The following GOLIM4 variants were observed in gnomAD, a reference collection of about 807,000 sequenced individuals.
GOLIM4 encodes the protein 130 kDa golgi-localized phosphoprotein.
Under a neutral mutation model 107.4 loss-of-function variants are expected in GOLIM4, and 71 were observed. That is an observed-to-expected ratio of 0.66 (90% CI 0.55 to 0.81). The LOEUF is 0.81. Among genes scored for constraint, GOLIM4 ranks in the 30% least tolerant of loss-of-function variants. The pLI is 0.00. For synonymous variants in GOLIM4, 327 were observed against 294.8 expected (o/e 1.11, Z -1.12); for missense variants, 830 against 826.1 (o/e 1.00, Z -0.06).
At chr3:168,045,645 GTTGT>G (rs1004934051) in intron 3 of GOLIM4, among the ~76,000 whole-genome samples, 1 of 152,070 alleles carries the variant, frequency 6.6e-6, no homozygotes, top group African/African-American at 2.4e-5. Flanking sequence ...TCTATGCTAT[GTTGT>G]TTATGTTTAG....
Position 168,029,308 on chromosome 3 carries a change from A to G in GOLIM4, c.1434-6T>C, listed in dbSNP as rs1170842323. ...CATCATAATGAGCTTGCTGCCTACA[A>G]GAGACACAAACATGATAAATCCAGT... is the stretch of plus-strand genomic sequence containing the variant. On this transcript the variant is annotated splice_polypyrimidine_tract_variant and splice_region_variant and intron_variant, in intron 10 of 15. Transcript: ENST00000470487. 1 of 1,585,464 alleles carries G rather than the reference A, an allele frequency of 6.3e-7. No individual in the cohort carries two copies. The highest frequency in any genetic ancestry group is 8.6e-7 in the Non-Finnish European group (1 of 1,157,404).
intron 1 of GOLIM4, among the ~76,000 whole-genome samples, chr3:168,049,984 T>G (rs982041456): frequency 6.6e-6 from 1 of 152,132 alleles, no homozygotes; most frequent in Non-Finnish European, 1.5e-5. Flanking sequence ...CTGTGACCAC[T>G]CAAATTTGTA....
intron 12 of GOLIM4, among the ~76,000 whole-genome samples, chr3:168,026,623 C>T (rs894310606): frequency 1.3e-5 from 2 of 152,182 alleles, no homozygotes; most frequent in African/African-American, 4.8e-5. Context: ...GCCCTTCCTC[C>T]CACCCCATGC....
intron 1 of GOLIM4, among the ~76,000 whole-genome samples, chr3:168,067,954 G>GA (rs1429448731): frequency 6.6e-6 from 1 of 151,864 alleles, no homozygotes; most frequent in Admixed American, 6.6e-5. Context: ...TTTTTTTAAT[G>GA]AATCTGAACA....
chr3:168,088,098 C>T (rs774546775), intron 1 of GOLIM4, among the ~76,000 whole-genome samples: 17 of 152,048 alleles, frequency 1.1e-4, no homozygotes, highest in African/African-American at 2.2e-4. Context: ...CCACTTTGTC[C>T]TTAATGATAA....
Position 168,040,908 on chromosome 3 carries a change from T to G in GOLIM4, c.601-39A>C, listed in dbSNP as rs1026679316. The G allele has an allele frequency of 9.9e-6, 13 of 1,317,064 alleles. No individual in the cohort carries two copies. The East Asian group carries it at 1.1e-4, about 12-fold the overall frequency. 81.6% of individuals were successfully genotyped at this position (1,317,064 alleles called of 1,614,324 possible). A position where few individuals can be genotyped will look rare whatever the true frequency, so the allele number is the denominator to read the frequency against. ...AATTTTACATGTTGAGCTTTAACATTCTACGACAAATTCTTCTTTGGCTGA... is the reference window on the plus strand; with the variant it reads ...AATTTTACATGTTGAGCTTTAACATGCTACGACAAATTCTTCTTTGGCTGA... On this transcript the variant is annotated intron_variant, in intron 6 of 15. Coordinates refer to ENST00000470487, the MANE Select transcript of GOLIM4 (RefSeq NM_014498.5).
At chr3:168,029,749 G>A in intron 10 of GOLIM4, 31 bp downstream of exon 10, 1 of 1,607,266 alleles carries the variant, frequency 6.2e-7, no homozygotes. Context: ...AGCAGGGGCT[G>A]TCTTCGTTCA....
In GOLIM4 at chr3:168,009,430, C is replaced by CCAAAAAAAAAAAAAA. The variant is rs1394595146; in HGVS notation, c.*838_*839insTTTTTTTTTTTTTTG. Reference sequence around the variant, plus strand: ...AAGAATATCAATCAATGGCTTCAAACAAAAAAAAAAAAAAAAAATTGAGAA... The same window carrying CCAAAAAAAAAAAAAA: ...AAGAATATCAATCAATGGCTTCAAACCAAAAAAAAAAAAAAAAAAAAAAAAAAAAAAAATTGAGAA... On this transcript the variant is annotated 3_prime_UTR_variant, in exon 16 of 16. Coordinates refer to ENST00000470487, the MANE Select transcript of GOLIM4 (RefSeq NM_014498.5). The CCAAAAAAAAAAAAAA allele has an allele frequency of 2.6e-5, 2 of 77,496 alleles. No individual in the cohort carries two copies. The highest frequency in any genetic ancestry group is 5.2e-4 in the East Asian group (1 of 1,928). The allele number at this position is 77,496 out of a possible 1,614,324, so 4.8% of individuals were successfully genotyped here.
chr3:168,044,914 G>C, intron 3 of GOLIM4, 33 bp from the exon 4 acceptor site: 1 of 1,219,908 alleles, frequency 8.2e-7, no homozygotes, highest in African/African-American at 1.5e-5. Context: ...AAAACACAAA[G>C]ATAAATATGG....
intron 1 of GOLIM4, among the ~76,000 whole-genome samples, chr3:168,059,102 A>C (rs1720127490): frequency 6.6e-6 from 1 of 152,208 alleles, no homozygotes; most frequent in Non-Finnish European, 1.5e-5. Context: ...GCAACTATGA[A>C]TAGTTTTCAA....
rs544327025 is a variant in GOLIM4 at position 168,044,879 on chromosome 3, T to G, written c.315A>C (p.Gln105His). 1 of 1,536,624 alleles carries G rather than the reference T, an allele frequency of 6.5e-7. No homozygotes were observed. Among genetic ancestry groups the G allele is most frequent in the Non-Finnish European group, 8.8e-7 (1 of 1,138,032 alleles). The stretch of plus-strand genomic sequence containing the variant: ...GTGCACTGTATCTGCTATTGGAATC[T>G]TGCTGTAAATCAAAAAAAAAAAAGA... ...EAQETLNKGR[Q>H]DSNSRYSALN... is the part of the protein sequence containing the mutation. Residue 105 changes from glutamine to histidine, a missense_variant and splice_region_variant, in exon 4 of 16, where the codon CAA becomes CAC. Transcript: ENST00000470487.
chr3:168,013,648 C>T (rs1389855225), intron 14 of GOLIM4, among the ~76,000 whole-genome samples: 1 of 151,386 alleles, frequency 6.6e-6, no homozygotes, highest in Non-Finnish European at 1.5e-5. Flanking sequence ...AAGTAAAGCT[C>T]TCCTCAGCAA....
chr3:168,020,228 T>C (rs1256134794), intron 14 of GOLIM4, among the ~76,000 whole-genome samples: 6 of 152,224 alleles, frequency 3.9e-5, no homozygotes, highest in African/African-American at 1.2e-4. Context: ...ATTTCCTGTA[T>C]GTATGTGTGG....
intron 14 of GOLIM4, among the ~76,000 whole-genome samples, chr3:168,021,780 C>T (rs1299110535): frequency 6.6e-6 from 1 of 152,132 alleles, no homozygotes; most frequent in East Asian, 1.9e-4. Flanking sequence ...TGAACAAATG[C>T]CTTGTACTTA....
At chr3:168,031,936 T>A (rs1022513900) in intron 9 of GOLIM4, among the ~76,000 whole-genome samples, 1 of 151,316 alleles carries the variant, frequency 6.6e-6, no homozygotes, top group African/African-American at 2.4e-5. Flanking sequence ...ATCCTGGCCA[T>A]TTTTTTTTAA....
At chr3:168,046,468 C>T (rs544008507) in intron 3 of GOLIM4, among the ~76,000 whole-genome samples, 2 of 152,244 alleles carry the variant, frequency 1.3e-5, no homozygotes, top group East Asian at 3.9e-4. Flanking sequence ...GTGTCTGTGT[C>T]CCTGGGTACT....
At chr3:168,061,470 A>G (rs1720267635) in intron 1 of GOLIM4, among the ~76,000 whole-genome samples, 1 of 152,188 alleles carries the variant, frequency 6.6e-6, no homozygotes, top group South Asian at 2.1e-4. Context: ...CTAGGTATGT[A>G]CCCAACCCAG....
At chr3:168,037,615 T>C (rs760027922) in intron 7 of GOLIM4, among the ~76,000 whole-genome samples, 3 of 152,178 alleles carry the variant, frequency 2.0e-5, no homozygotes, top group Admixed American at 1.3e-4. Context: ...TGATATAGAC[T>C]GGATTTTTTT....
At chr3:168,031,069 A>C (rs950955557) in intron 9 of GOLIM4, among the ~76,000 whole-genome samples, 1 of 152,216 alleles carries the variant, frequency 6.6e-6, no homozygotes, top group African/African-American at 2.4e-5. Context: ...ACTGGAGGCC[A>C]TTATGTTAAG....
Sources: gnomAD v4.1 joint callset for allele counts (sites outside exome capture counted in the v4.1 genomes callset) on GRCh38, gnomAD v4.1.1 for gene constraint, MANE v1.5 for transcripts, NCBI Gene and HGNC (gene_info 2026-07-23, HGNC 2026-07-21) for gene names.